CACNG7: variants seen among roughly 807,000 people sequenced by gnomAD.
CACNG7 encodes the protein calcium voltage-gated channel auxiliary subunit gamma 7, also known as voltage-dependent calcium channel gamma-7 subunit.
CACNG7 carries 9 observed loss-of-function variants against 26.3 expected under a neutral mutation model. The observed-to-expected ratio is 0.34, with a 90% CI of 0.21 to 0.60. CACNG7 has a LOEUF of 0.60. CACNG7 is among the 20% of genes least tolerant of loss of function. The pLI is 0.81. For missense variants in CACNG7, 297 were observed against 380.4 expected, an observed-to-expected ratio of 0.78 and a Z score of 1.82; for synonymous variants, 170 against 157.0, an observed-to-expected ratio of 1.08 and a Z score of -0.62.
At chr19:53,931,988 C>G (rs961652092) in intron 4 of CACNG7, among the ~76,000 whole-genome samples, 1 of 151,480 alleles carries the variant, frequency 6.6e-6, no homozygotes, top group Non-Finnish European at 1.5e-5. Flanking sequence ...GTCTCGATCT[C>G]CTGACCTCGT....
At chr19:53,925,428 C>T (rs1456915311) in intron 4 of CACNG7, among the ~76,000 whole-genome samples, 1 of 144,912 alleles carries the variant, frequency 6.9e-6, no homozygotes, top group Non-Finnish European at 1.5e-5. Context: ...GGAGTTGTCC[C>T]AGGCTGGTCA....
rs1370910645 is a variant in CACNG7, at chr19:53,920,443, T to G, written c.424+4938T>G. ...CATTGGTGGACTTGCCCCAGGCCGG[T>G]CATTGGTGGAGTCGTCCCCAGGTCT... On this transcript the variant is annotated intron_variant, in intron 4 of 5. Transcript: ENST00000391767. Among the ~76,000 whole-genome samples, 19 of 60,710 alleles carry G rather than the reference T, an allele frequency of 3.1e-4. 2 individuals carry two copies. The highest frequency in any genetic ancestry group is 4.2e-4 in the Non-Finnish European group (15 of 35,620). The allele number at this position is 60,710 out of a possible 152,430, so 39.8% of individuals were successfully genotyped here. A position where few individuals can be genotyped will look rare whatever the true frequency, so the allele number is the denominator to read the frequency against.
chr19:53,926,915 A>G (rs1419609578), intron 4 of CACNG7, among the ~76,000 whole-genome samples: 1 of 152,162 alleles, frequency 6.6e-6, no homozygotes, highest in Non-Finnish European at 1.5e-5. Flanking sequence ...TCTGTCTCAG[A>G]AAAAAGAAGA....
At chr19:53,921,289 A>ATTGGTGGACTTGCCCCT (rs1400660367) in intron 4 of CACNG7, among the ~76,000 whole-genome samples, 2 of 126,708 alleles carry the variant, frequency 1.6e-5, no homozygotes, top group African/African-American at 7.2e-5. Flanking sequence ...GAGTTGCCTC[A>ATTGGTGGACTTGCCCCT]GGTCTGGTCA....
At chr19:53,923,359 G>GCCCCAGGTCTGGTCATTGGTGGAGTTGT (rs1568776222) in intron 4 of CACNG7, among the ~76,000 whole-genome samples, 35 of 86,704 alleles carry the variant, frequency 4.0e-4, no homozygotes, top group African/African-American at 2.1e-3. Flanking sequence ...TGGTGGAGTT[G>GCCCCAGGTCTGGTCATTGGTGGAGTTGT]CCCCAGGTCT....
rs1250072582 is a variant in CACNG7 at position 53,941,758 on chromosome 19, G to T, written c.570+143G>T. The T allele has an allele frequency of 4.6e-6, 5 of 1,078,868 alleles. No individual in the cohort carries two copies. The African/African-American group carries it at 6.4e-5, about 14-fold the overall frequency. 66.8% of individuals were successfully genotyped at this position (1,078,868 alleles called of 1,614,324 possible). Reference sequence around the variant, plus strand: ...GTGGTAGCTGAGGGTCTAACCCCTGGGTCCTGGAGGAAGAGGGGTCTGAGA... The same window carrying T: ...GTGGTAGCTGAGGGTCTAACCCCTGTGTCCTGGAGGAAGAGGGGTCTGAGA... On this transcript the variant is annotated intron_variant, in intron 5 of 5. Transcript: ENST00000391767.
At chr19:53,915,110 G>T (rs2068887244) in intron 3 of CACNG7, among the ~76,000 whole-genome samples, 1 of 151,982 alleles carries the variant, frequency 6.6e-6, no homozygotes, top group East Asian at 1.9e-4. Flanking sequence ...TCCGGTTGGT[G>T]AGGAGCGGTC....
chr19:53,928,565 G>A (rs1350504738), intron 4 of CACNG7, among the ~76,000 whole-genome samples: 2 of 151,968 alleles, frequency 1.3e-5, no homozygotes, highest in South Asian at 2.1e-4. Context: ...ATGAGCCACC[G>A]CACCTGGCAG....
chr19:53,913,791 A>G (rs1204310591), intron 2 of CACNG7, among the ~76,000 whole-genome samples: 3 of 150,232 alleles, frequency 2.0e-5, no homozygotes, highest in Non-Finnish European at 4.4e-5. Flanking sequence ...CTCTTAAAAA[A>G]AAAAAAAAAA....
chr19:53,922,479 G>C (rs2068969265), intron 4 of CACNG7, among the ~76,000 whole-genome samples: 1 of 111,710 alleles, frequency 9.0e-6, no homozygotes, highest in African/African-American at 4.0e-5. Context: ...AGTTGCCCCA[G>C]GTCTGGTCAT....
chr19:53,912,809 C>T lies in CACNG7; in HGVS notation c.-23C>T. 7.5e-6 allele frequency: 12 copies of T among 1,608,994 alleles called. No homozygotes were observed. Among genetic ancestry groups the T allele is most frequent in the Non-Finnish European group, 1.0e-5 (12 of 1,179,690 alleles). On this transcript the variant is annotated 5_prime_UTR_variant, in exon 2 of 6. Coordinates refer to ENST00000391767, the MANE Select transcript of CACNG7 (RefSeq NM_031896.5). The surrounding 1 kb of genome is among the most constrained non-coding windows in gnomAD (Gnocchi z 4.6). ...TGTAGCTTCCCTTCCACAGGCCCCG[C>T]AGGGCGCCCCCTGCCTCTGAGGATG...
intron 4 of CACNG7, among the ~76,000 whole-genome samples, chr19:53,924,076 T>G (rs1402447923): frequency 7.9e-6 from 1 of 126,504 alleles, no homozygotes; most frequent in Non-Finnish European, 1.6e-5. Flanking sequence ...CCAGGTCTGG[T>G]CATTGGTGGA....
At position 53,914,350 on chromosome 19, in the gene CACNG7, A is replaced by G. The variant is rs898042736; in HGVS notation, c.197-150A>G. On this transcript the variant is annotated intron_variant, in intron 2 of 5. Transcript: ENST00000391767. ...AGACATCCACCCACCCGCTTTCCCA[A>G]CACCCCTGGAGTAGTACAGCTCGTA... 5.4e-6 allele frequency: 3 copies of G among 555,312 alleles called. No homozygotes were observed. In the African/African-American group the frequency reaches 5.9e-5, roughly 11 times the overall value. 34.4% of individuals were successfully genotyped at this position (555,312 alleles called of 1,614,324 possible). A position where few individuals can be genotyped will look rare whatever the true frequency, so the allele number is the denominator to read the frequency against.
chr19:53,922,389 G>A lies in CACNG7; in HGVS notation c.424+6884G>A, dbSNP rs142439326. ...GTCCCCAGGCCTGGTCATTGGTGGA[G>A]TTGTCCCCAGGCCTGGTCATTGGTG... On this transcript the variant is annotated intron_variant, in intron 4 of 5. Coordinates refer to ENST00000391767, the MANE Select transcript of CACNG7 (RefSeq NM_031896.5). 6.5e-3 allele frequency among the ~76,000 whole-genome samples: 645 copies of A among 98,808 alleles called. 9 individuals carry two copies. Among genetic ancestry groups the A allele is most frequent in the Non-Finnish European group, 9.4e-3 (410 of 43,548 alleles). The allele number at this position is 98,808 out of a possible 152,430, so 64.8% of individuals were successfully genotyped here. A position where few individuals can be genotyped will look rare whatever the true frequency, so the allele number is the denominator to read the frequency against.
intron 4 of CACNG7, among the ~76,000 whole-genome samples, chr19:53,924,089 TGTCCCCA>T: frequency 2.2e-5 from 3 of 138,056 alleles, no homozygotes; most frequent in African/African-American, 9.2e-5. Flanking sequence ...TTGGTGGAGT[TGTCCCCA>T]GGTCTGGGTA....
Position 53,913,012 on chromosome 19 carries a change from G to T in CACNG7, c.181G>T (p.Val61Phe). 1 of 1,611,260 alleles carries T rather than the reference G, an allele frequency of 6.2e-7. No individual in the cohort carries two copies. The highest frequency in any genetic ancestry group is 8.5e-7 in the Non-Finnish European group (1 of 1,177,850). The change falls in exon 2 of 6, where the codon GTC (valine) becomes TTC (phenylalanine). Residue 61 changes from valine to phenylalanine, a missense_variant. Transcript: ENST00000391767. ...GGCCCTGCACGCCGGCCTCTGGCGA[G>T]TCTGCTTCTTTGCAGGTACAGCCCT... is the stretch of plus-strand genomic sequence containing the variant. ...KMALHAGLWR[V>F]CFFAGREKGR...
At position 53,912,100 on chromosome 19, in the gene CACNG7, G is replaced by A. The variant is rs189812427; in HGVS notation, c.-29-703G>A. On this transcript the variant is annotated intron_variant, in intron 1 of 5. Transcript: ENST00000391767. The surrounding 1 kb of genome is among the most constrained non-coding windows in gnomAD (Gnocchi z 4.6). ...AGTTAAGACTGGGTAGCCTGGGTTA[G>A]AGTTTCTGGCCAGCTCAAGTTGTAG... Among the ~76,000 whole-genome samples, 1 of 152,294 alleles carries A rather than the reference G, an allele frequency of 6.6e-6. No homozygotes were observed. Among genetic ancestry groups the A allele is most frequent in the East Asian group, 1.9e-4 (1 of 5,180 alleles).
intron 4 of CACNG7, among the ~76,000 whole-genome samples, chr19:53,929,984 G>C (rs1297435429): frequency 6.6e-6 from 1 of 151,206 alleles, no homozygotes; most frequent in Non-Finnish European, 1.5e-5. Flanking sequence ...CTAGCATCAT[G>C]GAGTTCCTAG....
At position 53,918,701 on chromosome 19, in the gene CACNG7, C is replaced by T. The variant is rs78005963; in HGVS notation, c.424+3196C>T. On this transcript the variant is annotated intron_variant, in intron 4 of 5. Coordinates refer to ENST00000391767, the MANE Select transcript of CACNG7 (RefSeq NM_031896.5). ...AGTACTAGCGGTGGTGGTGCTGGTG[C>T]TGGTGATAGTAGCAGTAGTAGCAGT... Among the ~76,000 whole-genome samples the T allele has an allele frequency of 6.7e-3, 1,021 of 152,230 alleles. 9 individuals carry two copies. Among genetic ancestry groups the T allele is most frequent in the African/African-American group, 0.023 (941 of 41,528 alleles).
Sources: gnomAD v4.1 joint callset for allele counts (sites outside exome capture counted in the v4.1 genomes callset) on GRCh38, gnomAD v4.1.1 for gene constraint, Gnocchi (gnomAD v3.1) non-coding constraint, MANE v1.5 for transcripts, NCBI Gene and HGNC (gene_info 2026-07-23, HGNC 2026-07-21) for gene names.